TBC1D4: variants seen among roughly 807,000 people sequenced by gnomAD.
TBC1D4 encodes TBC1 domain family member 4.
A neutral mutation model predicts 142.5 loss-of-function variants in TBC1D4; 121 were observed. The observed-to-expected ratio is 0.85, with a 90% CI of 0.73 to 0.99. The LOEUF (loss-of-function observed/expected upper bound fraction) is 0.99, where lower values mean the gene tolerates loss of function less well. Among genes scored for constraint, TBC1D4 ranks in the 50% least tolerant of loss-of-function variants. TBC1D4 has a pLI of 0.00. For synonymous variants in TBC1D4, 630 were observed against 628.2 expected (o/e 1.00, Z -0.04); for missense variants, 1,475 against 1,606.6 (o/e 0.92, Z 1.40).
Position 75,481,906 on chromosome 13 carries a change from C to T in TBC1D4, c.-139G>A, listed in dbSNP as rs1888908790. 7.1e-6 allele frequency: 9 copies of T among 1,264,092 alleles called. No individual in the cohort carries two copies. Among genetic ancestry groups the T allele is most frequent in the Non-Finnish European group, 8.2e-6 (8 of 978,196 alleles). 78.3% of individuals were successfully genotyped at this position (1,264,092 alleles called of 1,614,324 possible). ...TGCCTGGGAGCGGCGCGACCCCGAACTCCGCGCTTCAGCAGCCCTGCCCCA... is the reference window on the plus strand; with the variant it reads ...TGCCTGGGAGCGGCGCGACCCCGAATTCCGCGCTTCAGCAGCCCTGCCCCA... On this transcript the variant is annotated 5_prime_UTR_variant, in exon 1 of 21. Transcript: ENST00000377636.
intron 1 of TBC1D4, among the ~76,000 whole-genome samples, chr13:75,379,887 CTTTT>C (rs750734086): frequency 6.1e-5 from 6 of 98,660 alleles, no homozygotes; most frequent in African/African-American, 1.4e-4. Context: ...TCATCTGACT[CTTTT>C]TTTTTTTTTT....
At chr13:75,461,325 T>G (rs1308040398) in intron 1 of TBC1D4, among the ~76,000 whole-genome samples, 1 of 152,230 alleles carries the variant, frequency 6.6e-6, no homozygotes, top group Admixed American at 6.5e-5. Context: ...AAAGACCATC[T>G]GTATTTATTT....
chr13:75,303,624 A>G (rs1291858620), intron 15 of TBC1D4, among the ~76,000 whole-genome samples: 1 of 152,222 alleles, frequency 6.6e-6, no homozygotes, highest in Non-Finnish European at 1.5e-5. Context: ...CCTTTGCTCC[A>G]GCTGGTTAAG....
chr13:75,313,645 C>T (rs771126648), intron 12 of TBC1D4, among the ~76,000 whole-genome samples: 1 of 152,184 alleles, frequency 6.6e-6, no homozygotes, highest in African/African-American at 2.4e-5. Flanking sequence ...CCTCAGCCTC[C>T]CAAGCAGCTG....
intron 13 of TBC1D4, among the ~76,000 whole-genome samples, chr13:75,310,615 T>C (rs530672198): frequency 6.6e-6 from 1 of 152,352 alleles, no homozygotes; most frequent in South Asian, 2.1e-4. Flanking sequence ...CCTCTGCTCA[T>C]TCCTCCTGCA....
At chr13:75,419,630 A>C (rs1368583981) in intron 1 of TBC1D4, among the ~76,000 whole-genome samples, 1 of 152,246 alleles carries the variant, frequency 6.6e-6, no homozygotes, top group Non-Finnish European at 1.5e-5. Context: ...GTAAAGGTTT[A>C]TAACAATTTA....
chr13:75,414,847 G>A (rs1885843057), intron 1 of TBC1D4, among the ~76,000 whole-genome samples: 1 of 152,188 alleles, frequency 6.6e-6, no homozygotes, highest in Non-Finnish European at 1.5e-5. Context: ...GTATGGGCCA[G>A]GCCTAGTGGC....
chr13:75,392,636 C>CACCTTCTT (rs1884550676), intron 1 of TBC1D4, among the ~76,000 whole-genome samples: 1 of 147,698 alleles, frequency 6.8e-6, no homozygotes, highest in East Asian at 2.1e-4. Context: ...CCTACTTCTT[C>CACCTTCTT]ACCTTCTTCT....
chr13:75,468,000 C>G lies in TBC1D4; in HGVS notation c.498+13270G>C, dbSNP rs540178941. Among the ~76,000 whole-genome samples the G allele has an allele frequency of 3.9e-5, 6 of 152,292 alleles. No individual in the cohort carries two copies. In the South Asian group the frequency reaches 1.2e-3, roughly 32 times the overall value. ...CTCTGACCTCACCCAGATGGATCTC[C>G]TCTCCATTCATTCATTTCCCTTTTT... On this transcript the variant is annotated intron_variant, in intron 1 of 20. Transcript: ENST00000377636.
At chr13:75,418,972 G>C (rs1295059707) in intron 1 of TBC1D4, among the ~76,000 whole-genome samples, 1 of 152,156 alleles carries the variant, frequency 6.6e-6, no homozygotes, top group East Asian at 1.9e-4. Flanking sequence ...CCACATGTGG[G>C]ACCTCTTGGG....
At chr13:75,391,955 T>A (rs965516018) in intron 1 of TBC1D4, among the ~76,000 whole-genome samples, 17 of 152,312 alleles carry the variant, frequency 1.1e-4, no homozygotes, top group Admixed American at 9.2e-4. Context: ...ACCCTCTCTC[T>A]CGCTTTCTCT....
intron 1 of TBC1D4, among the ~76,000 whole-genome samples, chr13:75,365,262 GTTA>G (rs1269670212): frequency 2.0e-5 from 3 of 151,242 alleles, no homozygotes; most frequent in Admixed American, 1.3e-4. Flanking sequence ...CTTTTCTCAG[GTTA>G]TGACTAACCA....
chr13:75,327,893 T>C, intron 8 of TBC1D4, 67 bp from the exon 9 acceptor site: 22 of 1,511,284 alleles, frequency 1.5e-5, no homozygotes, highest in Non-Finnish European at 2.0e-5. Context: ...CTATAAAAGG[T>C]AGTTCCAGGT....
intron 1 of TBC1D4, among the ~76,000 whole-genome samples, chr13:75,410,345 C>G (rs1885585313): frequency 6.6e-6 from 1 of 152,158 alleles, no homozygotes. Context: ...AGCACAGCAG[C>G]GCACAAACGC....
chr13:75,410,100 T>G (rs2138392789), intron 1 of TBC1D4, among the ~76,000 whole-genome samples: 1 of 152,284 alleles, frequency 6.6e-6, no homozygotes, highest in Middle Eastern at 3.4e-3. Context: ...TGTTGTGAGG[T>G]TTAAATAAGC....
intron 1 of TBC1D4, among the ~76,000 whole-genome samples, chr13:75,431,070 G>A (rs1886575253): frequency 6.6e-6 from 1 of 152,170 alleles, no homozygotes; most frequent in Admixed American, 6.5e-5. Context: ...GTGTCCCAGG[G>A]AGAATAAAAG....
chr13:75,384,896 C>A lies in TBC1D4; in HGVS notation c.499-22289G>T, dbSNP rs572455273. 3.6e-5 allele frequency among the ~76,000 whole-genome samples: 5 copies of A among 140,390 alleles called. No individual in the cohort carries two copies. In the East Asian group the frequency reaches 1.0e-3, roughly 29 times the overall value. The allele number at this position is 140,390 out of a possible 152,430, so 92.1% of individuals were successfully genotyped here. On this transcript the variant is annotated intron_variant, in intron 1 of 20. Transcript: ENST00000377636. ...TCTTAAAAATTTTTAAATTTTATTGCCTTATAAATATTGGATAAACACAAA... is the reference window on the plus strand; with the variant it reads ...TCTTAAAAATTTTTAAATTTTATTGACTTATAAATATTGGATAAACACAAA...
At chr13:75,359,968 T>C (rs570146531) in intron 2 of TBC1D4, 110 bp from the exon 3 acceptor site, 8 of 885,456 alleles carry the variant, frequency 9.0e-6, no homozygotes, top group South Asian at 2.9e-5. Context: ...ATCCCAGATA[T>C]ATGTATTTCA....
intron 5 of TBC1D4, among the ~76,000 whole-genome samples, chr13:75,344,063 A>T (rs1687722088): frequency 6.8e-6 from 1 of 148,000 alleles, no homozygotes; most frequent in African/African-American, 2.5e-5. Flanking sequence ...CTGGGCCTGA[A>T]CTCCTGACCT....
Sources: allele counts gnomAD v4.1 joint callset (sites outside exome capture counted in the v4.1 genomes callset), GRCh38; gene constraint gnomAD v4.1.1; transcripts MANE v1.5; gene names NCBI Gene and HGNC (gene_info 2026-07-23, HGNC 2026-07-21).